CCDC85C: variants seen among roughly 807,000 people sequenced by gnomAD.
CCDC85C encodes coiled-coil domain-containing protein 85C.
Under a neutral mutation model 38.3 loss-of-function variants are expected in CCDC85C, and 18 were observed. The observed-to-expected ratio is 0.47, with a 90% confidence interval of 0.33 to 0.70. CCDC85C has a LOEUF of 0.70. Among genes scored for constraint, CCDC85C ranks in the 30% least tolerant of loss-of-function variants. The pLI, the probability that CCDC85C is intolerant of heterozygous loss-of-function variation, is 0.03. For synonymous variants in CCDC85C, 264 were observed against 293.8 expected, an observed-to-expected ratio of 0.90 and a Z score of 1.04; for missense variants, 566 against 621.2, an observed-to-expected ratio of 0.91 and a Z score of 0.94.
At chr14:99,536,702 C>T (rs1278334866) in intron 1 of CCDC85C, among the ~76,000 whole-genome samples, 4 of 152,234 alleles carry the variant, frequency 2.6e-5, no homozygotes, top group African/African-American at 9.6e-5. Flanking sequence ...CAGTCGGGAA[C>T]CCCGTGGAAC....
intron 1 of CCDC85C, among the ~76,000 whole-genome samples, chr14:99,599,117 C>T (rs2055173759): frequency 6.6e-6 from 1 of 152,166 alleles, no homozygotes; most frequent in South Asian, 2.1e-4. Flanking sequence ...CAGAAAAGAC[C>T]TATTCAGAGT....
At chr14:99,561,958 C>A (rs1303282927) in intron 1 of CCDC85C, among the ~76,000 whole-genome samples, 1 of 152,218 alleles carries the variant, frequency 6.6e-6, no homozygotes, top group African/African-American at 2.4e-5. Flanking sequence ...TCCCCTCCTT[C>A]CTCATCCCTC....
At chr14:99,571,554 C>A (rs1361601390) in intron 1 of CCDC85C, among the ~76,000 whole-genome samples, 1 of 152,214 alleles carries the variant, frequency 6.6e-6, no homozygotes, top group Non-Finnish European at 1.5e-5. Flanking sequence ...TCAGCCACGT[C>A]TGCAGGGGAG....
At position 99,509,932 on chromosome 14, in the gene CCDC85C, GA is replaced by G. The variant is rs1441177705; in HGVS notation, c.*5313del. 1 of 593,920 alleles carries G rather than the reference GA, an allele frequency of 1.7e-6. No individual in the cohort carries two copies. Among genetic ancestry groups the G allele is most frequent in the African/African-American group, 1.9e-5 (1 of 53,512 alleles). The allele number at this position is 593,920 out of a possible 1,614,324, so 36.8% of individuals were successfully genotyped here. A position where few individuals can be genotyped will look rare whatever the true frequency, so the allele number is the denominator to read the frequency against. On this transcript the variant is annotated 3_prime_UTR_variant, in exon 6 of 6. Transcript: ENST00000380243. ...GTGGTGTGGTCAGGGCTGAGGGAGG[GA>G]AAACCCCAGGTCGTCGCAGACAGGG...
In CCDC85C at chr14:99,507,177, C is replaced by G; in HGVS notation, c.*8069G>C. 1 of 1,325,268 alleles carries G rather than the reference C, an allele frequency of 7.5e-7. No individual in the cohort carries two copies. Among genetic ancestry groups the G allele is most frequent in the South Asian group, 1.2e-5 (1 of 85,422 alleles). The allele number at this position is 1,325,268 out of a possible 1,614,324, so 82.1% of individuals were successfully genotyped here. On this transcript the variant is annotated 3_prime_UTR_variant, in exon 6 of 6. Transcript: ENST00000380243. ...GCATCTGCTGAAGCAGCTTGGCCAG[C>G]TGTGCACATCGCCTCTGAATGTTGG...
At chr14:99,537,525 G>A (rs1897627510) in intron 1 of CCDC85C, among the ~76,000 whole-genome samples, 1 of 152,174 alleles carries the variant, frequency 6.6e-6, no homozygotes, top group Non-Finnish European at 1.5e-5. Context: ...CCCAGCCACA[G>A]GCAGGAGCAG....
intron 1 of CCDC85C, among the ~76,000 whole-genome samples, chr14:99,543,756 G>A (rs1701815302): frequency 6.6e-6 from 1 of 152,142 alleles, no homozygotes; most frequent in African/African-American, 2.4e-5. Flanking sequence ...ACCAGCTCCT[G>A]GAAGGGATCA....
Position 99,500,930 on chromosome 14 carries a change from A to G in CCDC85C, c.*14316T>C, listed in dbSNP as rs562693665. On this transcript the variant is annotated 3_prime_UTR_variant, in exon 6 of 6. Transcript: ENST00000380243. ...TCTGAAATCAAGTCTTTATAATTTGATGACACTCAAATTACGCTTCTCAAA... is the reference window on the plus strand; with the variant it reads ...TCTGAAATCAAGTCTTTATAATTTGGTGACACTCAAATTACGCTTCTCAAA... 24 of 1,042,202 alleles carry G rather than the reference A, an allele frequency of 2.3e-5. No individual in the cohort carries two copies. In the East Asian group the frequency reaches 5.2e-4, roughly 23 times the overall value. 64.6% of individuals were successfully genotyped at this position (1,042,202 alleles called of 1,614,324 possible).
intron 1 of CCDC85C, among the ~76,000 whole-genome samples, chr14:99,596,058 C>A (rs900047079): frequency 6.6e-6 from 1 of 152,226 alleles, no homozygotes; most frequent in Non-Finnish European, 1.5e-5. Flanking sequence ...GCTCCAGCAC[C>A]CATGTGGCTG....
At chr14:99,589,424 C>T (rs2055062164) in intron 1 of CCDC85C, among the ~76,000 whole-genome samples, 1 of 152,010 alleles carries the variant, frequency 6.6e-6, no homozygotes, top group South Asian at 2.1e-4. Flanking sequence ...TTCCCGACCA[C>T]GAACGTGCAT....
Position 99,588,251 on chromosome 14 carries a change from C to A in CCDC85C, c.793+14916G>T, listed in dbSNP as rs1366927351. On this transcript the variant is annotated intron_variant, in intron 1 of 5. Coordinates refer to ENST00000380243, the MANE Select transcript of CCDC85C (RefSeq NM_001144995.2). This position sits in a 1 kb window ranked among gnomAD's most constrained non-coding sequence, Gnocchi z 5.0. The stretch of plus-strand genomic sequence containing the variant: ...CGAGTCCAACCTGCTTGGGATGCAG[C>A]TGGCATGGTGGTACACCAGCACCTT... Among the ~76,000 whole-genome samples the A allele has an allele frequency of 1.3e-5, 2 of 152,092 alleles. No individual in the cohort carries two copies. The highest frequency in any genetic ancestry group is 4.8e-5 in the African/African-American group (2 of 41,438).
At chr14:99,600,071 C>G (rs904348278) in intron 1 of CCDC85C, among the ~76,000 whole-genome samples, 4 of 152,344 alleles carry the variant, frequency 2.6e-5, no homozygotes, top group East Asian at 3.9e-4. Context: ...CCAGAAAGGA[C>G]AGCAGGGCCA....
intron 1 of CCDC85C, among the ~76,000 whole-genome samples, chr14:99,547,981 G>C (rs1897838206): frequency 6.6e-6 from 1 of 151,768 alleles, no homozygotes; most frequent in African/African-American, 2.4e-5. Context: ...AAAACAAAGA[G>C]AACATTTTAA....
rs1288578616 is a variant in CCDC85C at position 99,502,594 on chromosome 14, G to C, written c.*12652C>G. Reference sequence around the variant, plus strand: ...ACCAGTGTTGCACACAACGAAGATGGGGTGAGTTGTAAATGTGATTCATGC... The same window carrying C: ...ACCAGTGTTGCACACAACGAAGATGCGGTGAGTTGTAAATGTGATTCATGC... On this transcript the variant is annotated 3_prime_UTR_variant, in exon 6 of 6. Coordinates refer to ENST00000380243, the MANE Select transcript of CCDC85C (RefSeq NM_001144995.2). 1.7e-6 allele frequency: 2 copies of C among 1,199,314 alleles called. No individual in the cohort carries two copies. Among genetic ancestry groups the C allele is most frequent in the African/African-American group, 3.1e-5 (2 of 65,290 alleles). 74.3% of individuals were successfully genotyped at this position (1,199,314 alleles called of 1,614,324 possible). A position where few individuals can be genotyped will look rare whatever the true frequency, so the allele number is the denominator to read the frequency against.
intron 3 of CCDC85C, among the ~76,000 whole-genome samples, chr14:99,517,658 G>A (rs1897247828): frequency 6.6e-6 from 1 of 152,194 alleles, no homozygotes; most frequent in African/African-American, 2.4e-5. Flanking sequence ...AGCACTCCCT[G>A]GGGCCTGCCT....
rs1336027620 is a variant in CCDC85C, at chr14:99,515,345, GGA to G, written c.1171-12_1171-11del. 6.5e-6 allele frequency: 10 copies of G among 1,546,046 alleles called. No homozygotes were observed. In the South Asian group the frequency reaches 8.3e-5, roughly 13 times the overall value. On this transcript the variant is annotated splice_polypyrimidine_tract_variant and intron_variant, in intron 5 of 5. Coordinates refer to ENST00000380243, the MANE Select transcript of CCDC85C (RefSeq NM_001144995.2). ...GCTTTCTCCAGACCACCTGTGGAGA[GGA>G]GAGAGATGTGAGTGGTGGGACTCAC...
At position 99,604,190 on chromosome 14, in the gene CCDC85C, G is replaced by A. The variant is rs1260791996; in HGVS notation, c.-231C>T. Among the ~76,000 whole-genome samples the A allele has an allele frequency of 6.7e-6, 1 of 148,262 alleles. No individual in the cohort carries two copies. Among genetic ancestry groups the A allele is most frequent in the Admixed American group, 6.7e-5 (1 of 14,938 alleles). On this transcript the variant is annotated 5_prime_UTR_variant, in exon 1 of 6. Coordinates refer to ENST00000380243, the MANE Select transcript of CCDC85C (RefSeq NM_001144995.2). ...CTGCTGCGTCGGCGGCCGCGGTGCC[G>A]GGCGCTCTCAGGGTTCTGGAGAAGC...
chr14:99,529,042 G>T (rs1421580835), intron 2 of CCDC85C, among the ~76,000 whole-genome samples: 1 of 152,170 alleles, frequency 6.6e-6, no homozygotes, highest in Non-Finnish European at 1.5e-5. Flanking sequence ...GAACAAGGGG[G>T]CTGCCGCTTC....
rs999952112 is a variant in CCDC85C at position 99,509,079 on chromosome 14, G to T, written c.*6167C>A. 6.6e-6 allele frequency: 1 copy of T among 152,230 alleles called. No individual in the cohort carries two copies. Among genetic ancestry groups the T allele is most frequent in the African/African-American group, 2.4e-5 (1 of 41,440 alleles). The allele number at this position is 152,230 out of a possible 1,614,324, so 9.4% of individuals were successfully genotyped here. A position where few individuals can be genotyped will look rare whatever the true frequency, so the allele number is the denominator to read the frequency against. On this transcript the variant is annotated 3_prime_UTR_variant, in exon 6 of 6. Transcript: ENST00000380243. ...ACCTGATGAAATCCTGCTCATGCTC[G>T]CTTTGGCAAGATCAAACGGGTTGTG... is the stretch of plus-strand genomic sequence containing the variant.
Sources: gnomAD v4.1 joint callset for allele counts (sites outside exome capture counted in the v4.1 genomes callset) on GRCh38, gnomAD v4.1.1 for gene constraint, Gnocchi (gnomAD v3.1) non-coding constraint, MANE v1.5 for transcripts, NCBI Gene and HGNC (gene_info 2026-07-23, HGNC 2026-07-21) for gene names.